Variants in TMC1 observed in about 807,000 individuals in gnomAD.
TMC1 encodes transmembrane channel-like protein 1.
Under a neutral mutation model 105.8 loss-of-function variants are expected in TMC1, and 84 were observed. The observed-to-expected ratio is 0.79, with a 90% CI of 0.67 to 0.95. The LOEUF (loss-of-function observed/expected upper bound fraction) is 0.95. Ranked by LOEUF, TMC1 falls within the 40% of genes least tolerant of loss-of-function variation. TMC1 has a pLI of 0.00. For synonymous variants in TMC1, 315 were observed against 311.5 expected (o/e 1.01, Z -0.12); for missense variants, 817 against 914.1 (o/e 0.89, Z 1.37).
chr9:72,724,957 A>G (rs1827089240), intron 8 of TMC1, among the ~76,000 whole-genome samples: 2 of 152,174 alleles, frequency 1.3e-5, no homozygotes, highest in Admixed American at 1.3e-4. Flanking sequence ...ATACATTAAC[A>G]CTAAAAGGAA....
At chr9:72,530,938 A>G (rs1445178118) in intron 1 of TMC1, among the ~76,000 whole-genome samples, 2 of 150,858 alleles carry the variant, frequency 1.3e-5, no homozygotes, top group African/African-American at 4.9e-5. Flanking sequence ...CTCCTGCCTC[A>G]GCCTCTCAAG....
chr9:72,757,317 T>C (rs1027909620), intron 12 of TMC1, among the ~76,000 whole-genome samples: 7 of 152,132 alleles, frequency 4.6e-5, no homozygotes, highest in Non-Finnish European at 7.4e-5. Context: ...TCATGGTGGG[T>C]ATTTATATCT....
chr9:72,649,105 A>T (rs56136569), intron 5 of TMC1, among the ~76,000 whole-genome samples: 1 of 152,232 alleles, frequency 6.6e-6, no homozygotes, highest in Non-Finnish European at 1.5e-5. Context: ...AAGAGGAAGC[A>T]GGTAAAGTCA....
intron 17 of TMC1, among the ~76,000 whole-genome samples, chr9:72,804,044 A>C (rs1828525824): frequency 6.6e-6 from 1 of 152,256 alleles, no homozygotes; most frequent in South Asian, 2.1e-4. Context: ...ATAGAATACT[A>C]CGCAGCAATA....
intron 10 of TMC1, among the ~76,000 whole-genome samples, chr9:72,745,486 A>G (rs967158751): frequency 4.6e-5 from 7 of 152,162 alleles, no homozygotes; most frequent in African/African-American, 1.7e-4. Context: ...GTTATCAAGG[A>G]ATTATTTTTC....
intron 1 of TMC1, among the ~76,000 whole-genome samples, chr9:72,535,434 C>T (rs1323484077): frequency 1.3e-5 from 2 of 152,190 alleles, no homozygotes; most frequent in Admixed American, 1.3e-4. Context: ...TGCATATAAC[C>T]TTGCTCTTTT....
At chr9:72,539,547 C>A (rs1385850066) in intron 1 of TMC1, among the ~76,000 whole-genome samples, 1 of 152,082 alleles carries the variant, frequency 6.6e-6, no homozygotes, top group Non-Finnish European at 1.5e-5. Context: ...ACCCTTTGCT[C>A]TAGTTCCCAG....
intron 1 of TMC1, among the ~76,000 whole-genome samples, chr9:72,538,492 A>T (rs1371035377): frequency 6.6e-6 from 1 of 151,488 alleles, no homozygotes; most frequent in African/African-American, 2.4e-5. Flanking sequence ...GCTGGAGTGC[A>T]GTGGCACGAT....
chr9:72,706,655 C>T (rs1263885041), intron 8 of TMC1, among the ~76,000 whole-genome samples: 1 of 152,164 alleles, frequency 6.6e-6, no homozygotes, highest in Non-Finnish European at 1.5e-5. Flanking sequence ...CTTCCACTTA[C>T]GAATGAGAAC....
At chr9:72,755,289 T>C (rs1361744343) in intron 12 of TMC1, among the ~76,000 whole-genome samples, 1 of 152,172 alleles carries the variant, frequency 6.6e-6, no homozygotes, top group Non-Finnish European at 1.5e-5. Flanking sequence ...AAGGAAGAGT[T>C]TGCAAATGTG....
intron 1 of TMC1, among the ~76,000 whole-genome samples, chr9:72,548,566 TA>T (rs778291472): frequency 0.066 from 8,698 of 131,992 alleles, 383 homozygotes; most frequent in African/African-American, 0.14. Flanking sequence ...GACTCTGTCT[TA>T]AAAAAAAAAA....
chr9:72,770,422 T>C (rs1827907417), intron 12 of TMC1, among the ~76,000 whole-genome samples: 2 of 144,222 alleles, frequency 1.4e-5, no homozygotes, highest in African/African-American at 5.0e-5. Flanking sequence ...TTGTTGGGTT[T>C]TTTTTTTTTT....
chr9:72,692,666 T>C (rs1302241494), intron 6 of TMC1, among the ~76,000 whole-genome samples: 2 of 152,192 alleles, frequency 1.3e-5, no homozygotes, highest in Non-Finnish European at 2.9e-5. Flanking sequence ...TTGTCCTTTC[T>C]TTAATTAGTG....
At chr9:72,624,379 G>A (rs919906153) in intron 3 of TMC1, among the ~76,000 whole-genome samples, 6 of 152,068 alleles carry the variant, frequency 3.9e-5, no homozygotes, top group Non-Finnish European at 8.8e-5. Context: ...GTTTATTTCC[G>A]TAGGGTTGTC....
chr9:72,748,307 A>G (rs1159079962), intron 10 of TMC1, among the ~76,000 whole-genome samples: 1 of 152,180 alleles, frequency 6.6e-6, no homozygotes, highest in Non-Finnish European at 1.5e-5. Flanking sequence ...TAAATAAGTT[A>G]ATACATATAG....
chr9:72,810,455 C>T (rs546125872), intron 18 of TMC1, among the ~76,000 whole-genome samples: 156 of 152,044 alleles, frequency 1.0e-3, no homozygotes, highest in African/African-American at 3.6e-3. Flanking sequence ...TATAACAAAG[C>T]TAATATGAAA....
intron 10 of TMC1, among the ~76,000 whole-genome samples, chr9:72,743,602 A>C (rs1200079461): frequency 2.0e-5 from 3 of 150,896 alleles, no homozygotes; most frequent in East Asian, 1.9e-4. Context: ...AAGAAAAAAA[A>C]CGAAGTCTTA....
Position 72,788,388 on chromosome 9 carries a change from A to G in TMC1, c.934A>G (p.Asn312Asp). 2 of 1,614,058 alleles carry G rather than the reference A, an allele frequency of 1.2e-6. No individual in the cohort carries two copies. The highest frequency in any genetic ancestry group is 1.1e-5 in the South Asian group (1 of 91,082). The change falls in exon 14 of 24, where the codon AAT becomes GAT. Residue 312 changes from asparagine to aspartate, a missense_variant. By Grantham distance (23) the Asn-to-Asp change is conservative. Coordinates refer to ENST00000297784, the MANE Select transcript of TMC1 (RefSeq NM_138691.3). ...TGGAGGTGGAGATGACAACACTTTC[A>G]ATTTCAGCTGGAAGGTCTTTACCAG... Reference protein sequence around the residue: ...DDGGGDDNTFNFSWKVFTSWD... With the variant: ...DDGGGDDNTFDFSWKVFTSWD...
chr9:72,587,524 A>G (rs559560739), intron 2 of TMC1, among the ~76,000 whole-genome samples: 1 of 152,320 alleles, frequency 6.6e-6, no homozygotes, highest in African/African-American at 2.4e-5. Context: ...CTCAAGCTGT[A>G]TGTCCAGCAT....
Sources: gnomAD v4.1 joint callset for allele counts (sites outside exome capture counted in the v4.1 genomes callset) on GRCh38, gnomAD v4.1.1 for gene constraint, MANE v1.5 for transcripts, NCBI Gene and HGNC (gene_info 2026-07-23, HGNC 2026-07-21) for gene names.